ASXL2: variants seen among roughly 807,000 people sequenced by gnomAD.
ASXL2 encodes the protein putative Polycomb group protein ASXL2.
Under a neutral mutation model 122.0 loss-of-function variants are expected in ASXL2, and 23 were observed. The observed-to-expected ratio is 0.19, with a 90% CI of 0.14 to 0.27. The LOEUF (loss-of-function observed/expected upper bound fraction) is 0.27, where lower values mean the gene tolerates loss of function less well. ASXL2 is among the 10% of genes least tolerant of loss of function. The pLI is 1.00. For missense variants in ASXL2, 1,518 were observed against 1,713.8 expected (o/e 0.89, Z 2.02); for synonymous variants, 650 against 637.0 (o/e 1.02, Z -0.31).
intron 8 of ASXL2, among the ~76,000 whole-genome samples, chr2:25,766,949 C>G (rs973005788): frequency 6.6e-6 from 1 of 152,170 alleles, no homozygotes; most frequent in African/African-American, 2.4e-5. Flanking sequence ...TGAGCCTTCC[C>G]GGTGTTCTGC....
chr2:25,755,873 C>CTA, intron 10 of ASXL2, 145 bp downstream of exon 10: 1 of 665,474 alleles, frequency 1.5e-6, no homozygotes, highest in Non-Finnish European at 2.6e-6. Flanking sequence ...AAAAGTTTAA[C>CTA]AACGTGTTCC....
At position 25,734,823 on chromosome 2, in the gene ASXL2, C is replaced by A. The variant is rs1307080200; in HGVS notation, c.*7206G>T. ...ATCCCACAGAATGTCTCAAATCAAACTCCAGGTTACATTCATGGCAATTCA... is the reference window on the plus strand; with the variant it reads ...ATCCCACAGAATGTCTCAAATCAAAATCCAGGTTACATTCATGGCAATTCA... On this transcript the variant is annotated 3_prime_UTR_variant, in exon 13 of 13. Coordinates refer to ENST00000435504, the MANE Select transcript of ASXL2 (RefSeq NM_018263.6). The A allele has an allele frequency of 6.6e-6, 1 of 152,194 alleles. No homozygotes were observed. The highest frequency in any genetic ancestry group is 1.5e-5 in the Non-Finnish European group (1 of 68,020). 9.4% of individuals were successfully genotyped at this position (152,194 alleles called of 1,614,324 possible).
chr2:25,831,302 C>CA (rs943377385), intron 3 of ASXL2, among the ~76,000 whole-genome samples: 6,060 of 62,120 alleles, frequency 0.098, 165 homozygotes, highest in African/African-American at 0.12. Context: ...GACTCCGTCT[C>CA]AAAAAAAAAA....
chr2:25,828,824 C>CAAAAA lies in ASXL2; in HGVS notation c.143+6709_143+6713dup, dbSNP rs1031358836. 2.7e-3 allele frequency among the ~76,000 whole-genome samples: 137 copies of CAAAAA among 49,930 alleles called. 2 individuals are homozygous for CAAAAA. The highest frequency in any genetic ancestry group is 4.1e-3 in the African/African-American group (48 of 11,806). The allele number at this position is 49,930 out of a possible 152,430, so 32.8% of individuals were successfully genotyped here. A position where few individuals can be genotyped will look rare whatever the true frequency, so the allele number is the denominator to read the frequency against. On this transcript the variant is annotated intron_variant, in intron 3 of 12. Transcript: ENST00000435504. ...CAGGCAACAGTGTGAGACTGTGTCT[C>CAAAAA]AAAAAAAAAAAAAAAAAAAAAAAAC...
chr2:25,863,648 G>A (rs777796863), intron 1 of ASXL2, among the ~76,000 whole-genome samples: 1 of 151,310 alleles, frequency 6.6e-6, no homozygotes, highest in African/African-American at 2.4e-5. Context: ...AGCCGAGATC[G>A]CGCCACTGCA....
intron 3 of ASXL2, among the ~76,000 whole-genome samples, chr2:25,821,979 A>C (rs994442625): frequency 6.6e-6 from 1 of 152,200 alleles, no homozygotes; most frequent in Non-Finnish European, 1.5e-5. Flanking sequence ...CTTATGATGC[A>C]ATGAGTTGCA....
Position 25,785,714 on chromosome 2 carries a change from C to T in ASXL2, c.403+13671G>A, listed in dbSNP as rs1420509896. ...GGTGCCCACCACCACGCCTGGCTCA[C>T]TTTTGTAATTTTAGTAGAGATGGGA... On this transcript the variant is annotated intron_variant, in intron 5 of 12. Transcript: ENST00000435504. 2.7e-5 allele frequency among the ~76,000 whole-genome samples: 4 copies of T among 150,618 alleles called. 1 individual carries two copies. Among genetic ancestry groups the T allele is most frequent in the Non-Finnish European group, 5.9e-5 (4 of 67,638 alleles).
At chr2:25,868,490 A>G (rs754656507) in intron 1 of ASXL2, among the ~76,000 whole-genome samples, 6 of 152,278 alleles carry the variant, frequency 3.9e-5, no homozygotes, top group Non-Finnish European at 8.8e-5. Flanking sequence ...TCTGATGCCC[A>G]AGATGAACTA....
intron 1 of ASXL2, chr2:25,856,705 G>A: frequency 2.3e-6 from 3 of 1,297,068 alleles, no homozygotes; most frequent in Non-Finnish European, 3.3e-6. Context: ...TTGCATACCT[G>A]GATCGATTCA....
chr2:25,845,534 C>A lies in ASXL2; in HGVS notation c.87G>T (p.Met29Ile), dbSNP rs868222609. 2 of 1,490,742 alleles carry A rather than the reference C, an allele frequency of 1.3e-6. No homozygotes were observed. The highest frequency in any genetic ancestry group is 1.4e-5 in the African/African-American group (1 of 70,504). The allele number at this position is 1,490,742 out of a possible 1,614,324, so 92.3% of individuals were successfully genotyped here. The change falls in exon 2 of 13, where the codon ATG (methionine) becomes ATT (isoleucine). Residue 29 changes from methionine (M) to isoleucine (I), a missense_variant. Coordinates refer to ENST00000435504, the MANE Select transcript of ASXL2 (RefSeq NM_018263.6). ...TVLEKYPNTP[M>I]SHKEILQVIQ... ...TAACTTGAAGAATTTCTTTATGACT[C>A]ATGGGTGTATTGGGGTATTTTTCTA... is the stretch of plus-strand genomic sequence containing the variant.
chr2:25,833,239 G>A (rs2089474358), intron 3 of ASXL2, among the ~76,000 whole-genome samples: 1 of 152,100 alleles, frequency 6.6e-6, no homozygotes, highest in Non-Finnish European at 1.5e-5. Flanking sequence ...ACTGCACTAT[G>A]GTTTTGTACA....
At chr2:25,860,296 A>T (rs971918080) in intron 1 of ASXL2, among the ~76,000 whole-genome samples, 1 of 148,706 alleles carries the variant, frequency 6.7e-6, no homozygotes, top group Non-Finnish European at 1.5e-5. Context: ...GGGCAACAAG[A>T]GCGAAACTCC....
At chr2:25,778,422 T>C (rs1291047470) in intron 5 of ASXL2, among the ~76,000 whole-genome samples, 3 of 152,196 alleles carry the variant, frequency 2.0e-5, no homozygotes, top group Admixed American at 2.0e-4. Flanking sequence ...CCAGAGCCTC[T>C]GTAGGGAGTG....
chr2:25,848,458 T>G (rs891552954), intron 1 of ASXL2, among the ~76,000 whole-genome samples: 1 of 151,762 alleles, frequency 6.6e-6, no homozygotes, highest in Admixed American at 6.6e-5. Context: ...CTGTCTCTAC[T>G]AAAAATACAA....
chr2:25,876,286 C>T (rs1299200908), intron 1 of ASXL2, among the ~76,000 whole-genome samples: 2 of 152,204 alleles, frequency 1.3e-5, no homozygotes, highest in Admixed American at 1.3e-4. Context: ...AGCAAATATA[C>T]TAACATAGGA....
At position 25,749,897 on chromosome 2, in the gene ASXL2, T is replaced by G. The variant is rs771427263; in HGVS notation, c.1659A>C (p.Glu553Asp). Residue 553 changes from glutamate to aspartate, a missense_variant, in exon 12 of 13, where the codon GAA (glutamate) becomes GAC (aspartate). This residue lies in a region of ASXL2 where 292 missense variants were observed against 293.5 expected (regional missense o/e 1.00). Coordinates refer to ENST00000435504, the MANE Select transcript of ASXL2 (RefSeq NM_018263.6). ...GAGPQETNMK[E>D]PLATLVDQSP... ...TCTGATCAACAAGAGTTGCTAGAGGTTCTTTCATATTAGTCTCCTGTGGAC... is the reference window on the plus strand; with the variant it reads ...TCTGATCAACAAGAGTTGCTAGAGGGTCTTTCATATTAGTCTCCTGTGGAC... The G allele has an allele frequency of 6.2e-7, 1 of 1,611,954 alleles. No homozygotes were observed. Among genetic ancestry groups the G allele is most frequent in the East Asian group, 2.2e-5 (1 of 44,860 alleles).
intron 5 of ASXL2, among the ~76,000 whole-genome samples, chr2:25,772,569 TA>T (rs1230598573): frequency 6.6e-6 from 1 of 151,812 alleles, no homozygotes; most frequent in Non-Finnish European, 1.5e-5. Context: ...CTATCTCTAC[TA>T]AAAATACAAA....
chr2:25,775,017 G>A (rs2088522317), intron 5 of ASXL2, among the ~76,000 whole-genome samples: 1 of 152,092 alleles, frequency 6.6e-6, no homozygotes, highest in South Asian at 2.1e-4. Flanking sequence ...TTTATTAATA[G>A]CTGTCTTTTT....
chr2:25,771,316 C>T lies in ASXL2; in HGVS notation c.504+124G>A, dbSNP rs140646632. On this transcript the variant is annotated intron_variant, in intron 6 of 12. Transcript: ENST00000435504. ...TTACTAAAACCACATTGGGCTACTGCATGAAAGTTCCACTGGCAAGGGCCC... is the reference window on the plus strand; with the variant it reads ...TTACTAAAACCACATTGGGCTACTGTATGAAAGTTCCACTGGCAAGGGCCC... 13 of 738,752 alleles carry T rather than the reference C, an allele frequency of 1.8e-5. No homozygotes were observed. The South Asian group carries it at 2.5e-4, about 14-fold the overall frequency. The allele number at this position is 738,752 out of a possible 1,614,324, so 45.8% of individuals were successfully genotyped here. A position where few individuals can be genotyped will look rare whatever the true frequency, so the allele number is the denominator to read the frequency against.
Sources: allele counts gnomAD v4.1 joint callset (sites outside exome capture counted in the v4.1 genomes callset), GRCh38; gene constraint gnomAD v4.1.1; regional missense constraint gnomAD v4.1.1; transcripts MANE v1.5; gene names NCBI Gene and HGNC (gene_info 2026-07-23, HGNC 2026-07-21).